TRPC4: variants seen among roughly 807,000 people sequenced by gnomAD.
TRPC4 encodes the protein transient receptor potential cation channel subfamily C member 4.
Under a neutral mutation model 99.4 loss-of-function variants are expected in TRPC4, and 49 were observed. That is an observed-to-expected ratio of 0.49 (90% CI 0.39 to 0.63). TRPC4 has a LOEUF of 0.63. Ranked by LOEUF, TRPC4 falls within the 20% of genes least tolerant of loss-of-function variation. TRPC4 has a pLI of 0.00. For synonymous variants in TRPC4, 454 were observed against 425.9 expected (o/e 1.07, Z -0.81); for missense variants, 898 against 1,152.9 (o/e 0.78, Z 3.20).
chr13:37,759,690 C>T (rs1956176450), intron 2 of TRPC4, among the ~76,000 whole-genome samples: 1 of 151,818 alleles, frequency 6.6e-6, no homozygotes, highest in South Asian at 2.1e-4. Flanking sequence ...AAATATTTGT[C>T]CATCATATGG....
At chr13:37,654,268 T>C (rs1952148098) in intron 7 of TRPC4, among the ~76,000 whole-genome samples, 1 of 151,958 alleles carries the variant, frequency 6.6e-6, no homozygotes, top group Non-Finnish European at 1.5e-5. Flanking sequence ...ATGAAGAAAA[T>C]GGGAAAACTA....
At chr13:37,868,626 G>T (rs1189139014) in intron 1 of TRPC4, among the ~76,000 whole-genome samples, 1 of 118,140 alleles carries the variant, frequency 8.5e-6, no homozygotes, top group Non-Finnish European at 1.8e-5. Flanking sequence ...AGTTTTACAA[G>T]TCTGTCTATT....
intron 6 of TRPC4, among the ~76,000 whole-genome samples, chr13:37,658,949 T>C (rs1952339879): frequency 6.6e-6 from 1 of 152,046 alleles, no homozygotes; most frequent in Middle Eastern, 3.4e-3. Context: ...AAAAAAAAAT[T>C]GCCACATGGA....
chr13:37,637,673 G>A, intron 10 of TRPC4, 48 bp from the exon 11 acceptor site: 1 of 1,512,792 alleles, frequency 6.6e-7, no homozygotes, highest in Non-Finnish European at 8.8e-7. Flanking sequence ...TAAACATTTG[G>A]AAACATCATT....
At chr13:37,794,226 A>G (rs1430856443) in intron 1 of TRPC4, among the ~76,000 whole-genome samples, 2 of 152,064 alleles carry the variant, frequency 1.3e-5, no homozygotes, top group Non-Finnish European at 2.9e-5. Flanking sequence ...TTGTTTAATA[A>G]TGAGAACATA....
rs540090739 is a variant in TRPC4 at position 37,649,441 on chromosome 13, A to G, written c.2079+1824T>C. Among the ~76,000 whole-genome samples, 2 of 152,196 alleles carry G rather than the reference A, an allele frequency of 1.3e-5. 1 individual carries two copies. The highest frequency in any genetic ancestry group is 6.8e-3 in the Middle Eastern group (2 of 294). ...GACACATGCAGTAATTGCTTATTAA[A>G]TCTAAGCTATTGGCCGGGCGCGGTG... On this transcript the variant is annotated intron_variant, in intron 8 of 10. Coordinates refer to ENST00000379705, the MANE Select transcript of TRPC4 (RefSeq NM_016179.4).
intron 1 of TRPC4, among the ~76,000 whole-genome samples, chr13:37,856,502 G>C (rs1959175765): frequency 6.6e-6 from 1 of 151,064 alleles, no homozygotes; most frequent in Admixed American, 6.6e-5. Context: ...AAACTGAGGA[G>C]GAGGGAATAA....
Position 37,868,616 on chromosome 13 carries a change from A to G in TRPC4, c.-28+979T>C, listed in dbSNP as rs182619939. On this transcript the variant is annotated intron_variant, in intron 1 of 10. Transcript: ENST00000379705. ...GGCGGTGTTTTATTAAAACTGAAAA[A>G]GTTTTACAAGTCTGTCTATTTTTTT... is the stretch of plus-strand genomic sequence containing the variant. Among the ~76,000 whole-genome samples, 225 of 145,250 alleles carry G rather than the reference A, an allele frequency of 1.5e-3. 1 individual carries two copies. Among genetic ancestry groups the G allele is most frequent in the South Asian group, 3.1e-3 (14 of 4,504 alleles).
chr13:37,746,959 C>T (rs1300773018), intron 2 of TRPC4, among the ~76,000 whole-genome samples: 1 of 152,130 alleles, frequency 6.6e-6, no homozygotes, highest in Non-Finnish European at 1.5e-5. Flanking sequence ...GCTTTCCTAT[C>T]ATTCAGCCTA....
At chr13:37,722,544 C>T (rs1299790674) in intron 3 of TRPC4, among the ~76,000 whole-genome samples, 3 of 152,116 alleles carry the variant, frequency 2.0e-5, no homozygotes, top group African/African-American at 4.8e-5. Flanking sequence ...GAAGAACAAA[C>T]ACTTGGATTA....
intron 4 of TRPC4, among the ~76,000 whole-genome samples, chr13:37,683,959 G>A (rs956572114): frequency 6.6e-5 from 10 of 152,182 alleles, no homozygotes; most frequent in African/African-American, 1.7e-4. Context: ...GATATCATTC[G>A]GGAACAAGGA....
chr13:37,782,450 A>T (rs778458520), intron 2 of TRPC4, among the ~76,000 whole-genome samples: 1 of 152,128 alleles, frequency 6.6e-6, no homozygotes. Flanking sequence ...ATTTAAAAGA[A>T]TCTACTAGAG....
At chr13:37,752,258 T>A (rs574706675) in intron 2 of TRPC4, among the ~76,000 whole-genome samples, 26 of 151,642 alleles carry the variant, frequency 1.7e-4, no homozygotes, top group African/African-American at 6.0e-4. Context: ...TTGACATACT[T>A]GGAGCAGAAA....
At chr13:37,653,784 A>C (rs1952127546) in intron 7 of TRPC4, among the ~76,000 whole-genome samples, 2 of 152,146 alleles carry the variant, frequency 1.3e-5, no homozygotes, top group African/African-American at 4.8e-5. Context: ...AAAAGATCCA[A>C]ATTGCTGGCA....
intron 1 of TRPC4, among the ~76,000 whole-genome samples, chr13:37,853,891 G>GA (rs1450231496): frequency 2.0e-5 from 3 of 151,356 alleles, no homozygotes; most frequent in African/African-American, 7.3e-5. Context: ...GGAGACAGAA[G>GA]AAAAAATAAT....
intron 3 of TRPC4, among the ~76,000 whole-genome samples, chr13:37,695,486 G>A (rs757580158): frequency 5.3e-5 from 8 of 152,072 alleles, no homozygotes; most frequent in South Asian, 2.1e-4. Context: ...ACCATCTTCC[G>A]CACCATTCCA....
chr13:37,668,473 A>C (rs190256968), intron 5 of TRPC4, among the ~76,000 whole-genome samples: 120 of 152,326 alleles, frequency 7.9e-4, no homozygotes, highest in Non-Finnish European at 1.4e-3. Context: ...TGGTTAGAGA[A>C]TATGGATCAT....
intron 1 of TRPC4, among the ~76,000 whole-genome samples, chr13:37,798,353 T>C (rs1157026342): frequency 2.0e-5 from 3 of 152,138 alleles, no homozygotes; most frequent in Non-Finnish European, 4.4e-5. Flanking sequence ...GGAATTAAAT[T>C]ACCCAAATCT....
intron 3 of TRPC4, among the ~76,000 whole-genome samples, chr13:37,732,638 A>G (rs190889397): frequency 6.6e-6 from 1 of 152,312 alleles, no homozygotes. Context: ...TACAAAGCCA[A>G]TGTACAAAAA....
Sources: gnomAD v4.1 joint callset for allele counts (sites outside exome capture counted in the v4.1 genomes callset) on GRCh38, gnomAD v4.1.1 for gene constraint, MANE v1.5 for transcripts, NCBI Gene and HGNC (gene_info 2026-07-23, HGNC 2026-07-21) for gene names.